Variants in MACROD2 observed in about 807,000 individuals in gnomAD.
MACROD2 encodes mono-ADP ribosylhydrolase 2, also known as ADP-ribose glycohydrolase MACROD2.
Under a neutral mutation model 70.4 loss-of-function variants are expected in MACROD2, and 36 were observed. The observed-to-expected ratio is 0.51, with a 90% CI of 0.39 to 0.68. The LOEUF (loss-of-function observed/expected upper bound fraction) is 0.68, where lower values mean the gene tolerates loss of function less well. Among genes scored for constraint, MACROD2 ranks in the 30% least tolerant of loss-of-function variants. The pLI is 0.00. For synonymous variants in MACROD2, 172 were observed against 178.8 expected (o/e 0.96, Z 0.30); for missense variants, 496 against 538.4 (o/e 0.92, Z 0.78).
At chr20:14,463,150 A>T (rs2084393242) in intron 3 of MACROD2, among the ~76,000 whole-genome samples, 1 of 152,044 alleles carries the variant, frequency 6.6e-6, no homozygotes, top group African/African-American at 2.4e-5. Flanking sequence ...CACGCTATTG[A>T]TTCTTCCTAC....
rs180800230 is a variant in MACROD2, at chr20:15,337,497, A to T, written c.541-93908A>T. On this transcript the variant is annotated intron_variant, in intron 6 of 17. Coordinates refer to ENST00000684519, the MANE Select transcript of MACROD2 (RefSeq NM_001351661.2). ...GTTTTATTTATGTTTTAATTGACTAATAAAAATTACATATATTTGTTGTTT... is the reference window on the plus strand; with the variant it reads ...GTTTTATTTATGTTTTAATTGACTATTAAAAATTACATATATTTGTTGTTT... 1.2e-3 allele frequency among the ~76,000 whole-genome samples: 183 copies of T among 151,904 alleles called. 1 individual carries two copies. Among genetic ancestry groups the T allele is most frequent in the Middle Eastern group, 6.8e-3 (2 of 294 alleles).
At chr20:15,576,037 TA>T (rs1368885129) in intron 8 of MACROD2, among the ~76,000 whole-genome samples, 2 of 152,244 alleles carry the variant, frequency 1.3e-5, no homozygotes. Context: ...CAAAAATTCT[TA>T]AGCACCTGCC....
intron 5 of MACROD2, among the ~76,000 whole-genome samples, chr20:15,129,343 A>T (rs899099818): frequency 9.2e-5 from 14 of 152,114 alleles, no homozygotes; most frequent in Non-Finnish European, 1.8e-4. Context: ...TGGAATCCTT[A>T]GAAATACCAT....
At chr20:15,576,071 T>G (rs1051429888) in intron 8 of MACROD2, among the ~76,000 whole-genome samples, 1 of 152,204 alleles carries the variant, frequency 6.6e-6, no homozygotes, top group Non-Finnish European at 1.5e-5. Flanking sequence ...ACCATGAGGT[T>G]TAGAATATTT....
chr20:15,541,758 G>A (rs1473679050), intron 8 of MACROD2, among the ~76,000 whole-genome samples: 1 of 152,150 alleles, frequency 6.6e-6, no homozygotes, highest in Admixed American at 6.5e-5. Flanking sequence ...ATATATGGTA[G>A]ATGCTAAATA....
intron 5 of MACROD2, among the ~76,000 whole-genome samples, chr20:15,166,967 T>TAAATTTAAGTATTTAATTTAAGTATG (rs2076390145): frequency 2.0e-5 from 3 of 150,758 alleles, no homozygotes; most frequent in Admixed American, 6.6e-5. Context: ...ATTTAAGTAT[T>TAAATTTAAGTATTTAATTTAAGTATG]AAATTTAAGT....
In MACROD2 at chr20:16,044,634, T is replaced by C. The variant is rs139092334; in HGVS notation, c.1295T>C (p.Leu432Pro). 15 of 1,611,654 alleles carry C rather than the reference T, an allele frequency of 9.3e-6. No homozygotes were observed. In the South Asian group the frequency reaches 1.6e-4, roughly 18 times the overall value. ...ACAGAGAGTCAACAAGAAGATCAAC[T>C]AATAGGTAAGATGCCCCTTGTGGTG... Reference protein sequence around the residue: ...DPTESQQEDQLIAGAQDEAKE... With the variant: ...DPTESQQEDQPIAGAQDEAKE... Residue 432 changes from leucine to proline, a missense_variant, in exon 17 of 18, where the codon CTA becomes CCA. By Grantham distance (98) the Leu-to-Pro change is moderately conservative (BLOSUM62 -3). Transcript: ENST00000684519.
chr20:15,834,722 A>G (rs1013514012), intron 8 of MACROD2, among the ~76,000 whole-genome samples: 2 of 152,168 alleles, frequency 1.3e-5, no homozygotes, highest in African/African-American at 4.8e-5. Context: ...AAACAGTTTC[A>G]TAGATTTTTT....
chr20:15,480,087 T>C (rs1172124418), intron 7 of MACROD2, among the ~76,000 whole-genome samples: 2 of 152,212 alleles, frequency 1.3e-5, no homozygotes, highest in Non-Finnish European at 2.9e-5. Flanking sequence ...AGAATTTTGC[T>C]AATGATATAA....
intron 5 of MACROD2, among the ~76,000 whole-genome samples, chr20:15,119,308 C>T (rs924876691): frequency 6.6e-5 from 10 of 152,138 alleles, no homozygotes; most frequent in African/African-American, 1.7e-4. Context: ...TCAGCTTCTT[C>T]TGCTTTGTGC....
intron 3 of MACROD2, among the ~76,000 whole-genome samples, chr20:14,464,401 T>G (rs1411763821): frequency 6.6e-6 from 1 of 152,148 alleles, no homozygotes; most frequent in African/African-American, 2.4e-5. Flanking sequence ...CATTTTTTAT[T>G]GCATCTATTT....
At chr20:14,252,957 A>G (rs1248745026) in intron 3 of MACROD2, among the ~76,000 whole-genome samples, 1 of 152,014 alleles carries the variant, frequency 6.6e-6, no homozygotes, top group East Asian at 1.9e-4. Context: ...ATAAGATTAA[A>G]ATTATATACT....
At chr20:15,261,856 C>T (rs2077252156) in intron 6 of MACROD2, among the ~76,000 whole-genome samples, 1 of 151,902 alleles carries the variant, frequency 6.6e-6, no homozygotes, top group Non-Finnish European at 1.5e-5. Context: ...AGTATTAATG[C>T]ACAGTGGGAA....
intron 5 of MACROD2, among the ~76,000 whole-genome samples, chr20:15,191,931 T>TAGAGAGAGAGAGAG (rs10638417): frequency 2.5e-4 from 35 of 142,374 alleles, no homozygotes; most frequent in Middle Eastern, 3.6e-3. Context: ...TATATATATA[T>TAGAGAGAGAGAGAG]AGAGAGAGAG....
At chr20:14,441,277 T>C (rs2084119426) in intron 3 of MACROD2, among the ~76,000 whole-genome samples, 1 of 152,164 alleles carries the variant, frequency 6.6e-6, no homozygotes, top group African/African-American at 2.4e-5. Flanking sequence ...TGAGAGGCCA[T>C]GCAGAGGAGA....
At chr20:16,022,254 T>C (rs1432351089) in intron 15 of MACROD2, among the ~76,000 whole-genome samples, 1 of 152,174 alleles carries the variant, frequency 6.6e-6, no homozygotes, top group Non-Finnish European at 1.5e-5. Context: ...GGTTTCACCA[T>C]GTTAGCCAGG....
At chr20:15,440,952 T>C (rs959881586) in intron 7 of MACROD2, among the ~76,000 whole-genome samples, 2 of 152,202 alleles carry the variant, frequency 1.3e-5, no homozygotes, top group Non-Finnish European at 2.9e-5. Context: ...CTGTAAGAAA[T>C]GTTATCATTC....
At chr20:14,848,460 T>C (rs1170326812) in intron 5 of MACROD2, among the ~76,000 whole-genome samples, 1 of 152,098 alleles carries the variant, frequency 6.6e-6, no homozygotes, top group Non-Finnish European at 1.5e-5. Context: ...TTTTTTTCTT[T>C]GAGTATGCTG....
intron 6 of MACROD2, among the ~76,000 whole-genome samples, chr20:15,275,400 A>G (rs1445883474): frequency 2.0e-5 from 3 of 152,186 alleles, no homozygotes; most frequent in Non-Finnish European, 2.9e-5. Context: ...TAGTATTAAC[A>G]TTATCAGATT....
Sources: gnomAD v4.1 joint callset for allele counts (sites outside exome capture counted in the v4.1 genomes callset) on GRCh38, gnomAD v4.1.1 for gene constraint, MANE v1.5 for transcripts, NCBI Gene and HGNC (gene_info 2026-07-23, HGNC 2026-07-21) for gene names.